The following ACSL6 variants were observed in gnomAD, a reference collection of about 807,000 sequenced individuals.
ACSL6 encodes the protein long-chain-fatty-acid--CoA ligase 6.
A neutral mutation model predicts 98.2 loss-of-function variants in ACSL6; 47 were observed. That is an observed-to-expected ratio of 0.48 (90% CI 0.38 to 0.61). The LOEUF (loss-of-function observed/expected upper bound fraction) is 0.61, where lower values mean the gene tolerates loss of function less well. ACSL6 is among the 20% of genes least tolerant of loss of function. The probability of loss-of-function intolerance (pLI) is 0.00; values close to 1 mark genes in which losing one functional copy is unlikely to be tolerated. For missense variants in ACSL6, 761 were observed against 913.4 expected, an observed-to-expected ratio of 0.83 and a Z score of 2.15; for synonymous variants, 362 against 336.9, an observed-to-expected ratio of 1.07 and a Z score of -0.82.
intron 1 of ACSL6, chr5:132,006,875 T>C (rs1313468607): frequency 2.6e-5 from 4 of 151,902 alleles, no homozygotes; most frequent in Non-Finnish European, 5.9e-5. Flanking sequence ...AGTTTACACC[T>C]GCTTTTCCCT....
At chr5:131,986,002 A>G (rs1754157455) in intron 8 of ACSL6, among the ~76,000 whole-genome samples, 1 of 152,230 alleles carries the variant, frequency 6.6e-6, no homozygotes, top group Admixed American at 6.5e-5. Flanking sequence ...GTCTGCTTGC[A>G]TGTAGAGGAT....
chr5:131,979,120 C>T (rs1455436717), intron 9 of ACSL6, among the ~76,000 whole-genome samples: 1 of 152,212 alleles, frequency 6.6e-6, no homozygotes, highest in African/African-American at 2.4e-5. Context: ...CATCCTTCCT[C>T]AAACCCAGGC....
intron 3 of ACSL6, 31 bp from the exon 4 acceptor site, chr5:131,990,195 A>G (rs422130): frequency 0.81 from 1,309,576 of 1,611,998 alleles, 536,841 homozygotes; most frequent in Non-Finnish European, 0.84. Flanking sequence ...CTTGTGTCAG[A>G]GAGGGGTCAG....
rs114367286 is a variant in ACSL6, at chr5:131,964,940, C to T, written c.1713+1476G>A. 3.2e-3 allele frequency among the ~76,000 whole-genome samples: 480 copies of T among 152,304 alleles called. 4 individuals are homozygous for T. The highest frequency in any genetic ancestry group is 0.011 in the African/African-American group (457 of 41,560). The stretch of plus-strand genomic sequence containing the variant: ...GGTGCCTGTCCTCCTCTGCCTCTCC[C>T]GAGGTGAGTGTGCCCCCAGTGTGCC... On this transcript the variant is annotated intron_variant, in intron 17 of 20. Coordinates refer to ENST00000651883, the MANE Select transcript of ACSL6 (RefSeq NM_001009185.3).
At chr5:131,997,985 C>T (rs576892952) in intron 1 of ACSL6, among the ~76,000 whole-genome samples, 1 of 152,322 alleles carries the variant, frequency 6.6e-6, no homozygotes, top group African/African-American at 2.4e-5. Context: ...GCCACCAAGC[C>T]TTTGACATGG....
At chr5:132,007,148 G>C (rs1445238190) in intron 1 of ACSL6, 2 of 152,246 alleles carry the variant, frequency 1.3e-5, no homozygotes, top group Non-Finnish European at 2.9e-5. Flanking sequence ...GACTTGTGGA[G>C]GAGGCTTCTG....
chr5:131,975,597 C>G, intron 10 of ACSL6: 2 of 912,454 alleles, frequency 2.2e-6, no homozygotes, highest in Non-Finnish European at 2.6e-6. Flanking sequence ...CCTGGCCTCA[C>G]AAGCCATCCC....
intron 5 of ACSL6, 96 bp from the exon 6 acceptor site, chr5:131,989,000 C>A: frequency 9.1e-7 from 1 of 1,102,924 alleles, no homozygotes; most frequent in East Asian, 2.4e-5. Flanking sequence ...GCTCTAAGCC[C>A]TATGCCTGTG....
intron 13 of ACSL6, 101 bp from the exon 14 acceptor site, chr5:131,971,746 C>G: frequency 2.1e-6 from 2 of 958,700 alleles, no homozygotes; most frequent in Non-Finnish European, 3.0e-6. Flanking sequence ...CTGGGTCCTA[C>G]CTGGATGCTA....
At chr5:131,996,558 G>A (rs1331459411) in intron 1 of ACSL6, among the ~76,000 whole-genome samples, 1 of 152,188 alleles carries the variant, frequency 6.6e-6, no homozygotes, top group Admixed American at 6.5e-5. Flanking sequence ...TAGCACGAGG[G>A]CTCAGCTGTA....
chr5:131,981,752 T>G (rs1417409318), intron 9 of ACSL6: 2 of 152,254 alleles, frequency 1.3e-5, no homozygotes, highest in Non-Finnish European at 2.9e-5. Flanking sequence ...ATGGCCAAGC[T>G]TCGTGAAAGA....
chr5:131,997,609 G>A (rs1335492082), intron 1 of ACSL6, among the ~76,000 whole-genome samples: 1 of 152,168 alleles, frequency 6.6e-6, no homozygotes, highest in Non-Finnish European at 1.5e-5. Flanking sequence ...ACATGGGTGG[G>A]CTTCTTCCTG....
At chr5:131,975,812 C>G (rs1753584722) in intron 10 of ACSL6, 1 of 985,364 alleles carries the variant, frequency 1.0e-6, no homozygotes, top group African/African-American at 1.7e-5. Context: ...TGCTCTCCAC[C>G]CCTTTGCAGA....
chr5:131,972,876 G>C lies in ACSL6; in HGVS notation c.1204-18C>G, dbSNP rs1426118385. The stretch of plus-strand genomic sequence containing the variant: ...CTGAAGATCTGAGGAACATAAGTTG[G>C]AAGCAGCTGTCAGAGCCTGAATGTC... On this transcript the variant is annotated intron_variant, in intron 12 of 20. Transcript: ENST00000651883. 5 of 1,613,920 alleles carry C rather than the reference G, an allele frequency of 3.1e-6. No individual in the cohort carries two copies. Among genetic ancestry groups the C allele is most frequent in the Non-Finnish European group, 4.2e-6 (5 of 1,179,982 alleles).
intron 17 of ACSL6, among the ~76,000 whole-genome samples, chr5:131,965,617 G>A (rs1752975980): frequency 6.6e-6 from 1 of 152,118 alleles, no homozygotes; most frequent in African/African-American, 2.4e-5. Context: ...AGCTGCTGGG[G>A]AGCCTGAGGC....
At chr5:131,989,827 C>G (rs548083064) in intron 4 of ACSL6, among the ~76,000 whole-genome samples, 78 of 152,266 alleles carry the variant, frequency 5.1e-4, no homozygotes, top group African/African-American at 1.8e-3. Context: ...CTCCTGTGCT[C>G]AGGCAATCCA....
intron 14 of ACSL6, 102 bp from the exon 15 acceptor site, chr5:131,970,302 G>A: frequency 9.5e-7 from 1 of 1,052,724 alleles, no homozygotes; most frequent in Non-Finnish European, 1.5e-6. Context: ...GTGTCTGACT[G>A]CTTCATGATC....
At position 131,959,554 on chromosome 5, in the gene ACSL6, T is replaced by C; in HGVS notation, c.2013A>G (p.Gly671=). 2 of 1,614,046 alleles carry C rather than the reference T, an allele frequency of 1.2e-6. No individual in the cohort carries two copies. Among genetic ancestry groups the C allele is most frequent in the Non-Finnish European group, 1.7e-6 (2 of 1,179,954 alleles). Residue 671 remains glycine, a synonymous_variant, in exon 20 of 21, where the codon GGA becomes GGG. Transcript: ENST00000651883. The part of the protein sequence containing the change: ...EDMVRLGKES[G]LHSFEQVKAI... ...CAGTTACCTGCTCAAAAGAATGGAG[T>C]CCACTTTCTTTTCCTAACCTCACCA...
chr5:131,985,307 C>T, intron 9 of ACSL6, 100 bp downstream of exon 9: 2 of 1,457,722 alleles, frequency 1.4e-6, no homozygotes, highest in South Asian at 2.4e-5. Flanking sequence ...AAGGCTCAGC[C>T]CATTTCAAAC....
Sources: gnomAD v4.1 joint callset for allele counts (sites outside exome capture counted in the v4.1 genomes callset) on GRCh38, gnomAD v4.1.1 for gene constraint, MANE v1.5 for transcripts, NCBI Gene and HGNC (gene_info 2026-07-23, HGNC 2026-07-21) for gene names.